DMD: variants seen among roughly 807,000 people sequenced by gnomAD.
DMD encodes dystrophin, also known as mutant dystrophin.
DMD carries 63 observed loss-of-function variants against 330.1 expected under a neutral mutation model. The observed-to-expected ratio is 0.19, with a 90% CI of 0.16 to 0.24. The LOEUF is 0.24. DMD is among the 10% of genes least tolerant of loss of function. The pLI, the probability that DMD is intolerant of heterozygous loss-of-function variation, is 1.00. For missense variants in DMD, 3,344 were observed against 2,684.1 expected (o/e 1.25, Z -5.43); for synonymous variants, 1,223 against 959.8 (o/e 1.27, Z -5.07).
At chrX:31,198,917 GTTTA>G (rs2043170417) in intron 67 of DMD, among the ~76,000 whole-genome samples, 1 of 111,992 alleles carries the variant, frequency 8.9e-6, no homozygotes, top group Non-Finnish European at 1.9e-5. Flanking sequence ...GGGGAGGGGT[GTTTA>G]TTTATCTATC....
intron 7 of DMD, among the ~76,000 whole-genome samples, chrX:32,781,444 C>T (rs12007133): frequency 4.5e-5 from 5 of 111,527 alleles, no homozygotes; most frequent in Non-Finnish European, 7.5e-5. Context: ...ACAAAATCAA[C>T]GAAACATTTG....
intron 1 of DMD, among the ~76,000 whole-genome samples, chrX:33,253,012 G>A (rs1257691894): frequency 9.0e-6 from 1 of 111,592 alleles, no homozygotes; most frequent in Non-Finnish European, 1.9e-5. Context: ...AGTTTGAAAT[G>A]AGGCCATGAC....
chrX:31,787,807 G>GT (rs2091382540), intron 50 of DMD, among the ~76,000 whole-genome samples: 1 of 112,030 alleles, frequency 8.9e-6, no homozygotes, highest in South Asian at 3.7e-4. Context: ...ATCAATTTAT[G>GT]TTTTTATTTA....
chrX:32,520,953 A>G (rs1368790682), intron 17 of DMD, among the ~76,000 whole-genome samples: 1 of 107,863 alleles, frequency 9.3e-6, no homozygotes, highest in Non-Finnish European at 1.9e-5. Context: ...CTCTCAGATG[A>G]TCTTGTTCCC....
chrX:32,692,004 A>C (rs1411821619), intron 9 of DMD, among the ~76,000 whole-genome samples: 4 of 111,203 alleles, frequency 3.6e-5, no homozygotes, highest in Non-Finnish European at 7.5e-5. Context: ...GAGGCTGTGG[A>C]GAGGAGGAAG....
chrX:31,831,847 C>T lies in DMD; in HGVS notation c.7200+4871G>A, dbSNP rs1197533192. 6.2e-5 allele frequency among the ~76,000 whole-genome samples: 7 copies of T among 112,289 alleles called. No individual in the cohort carries two copies. The Admixed American group carries it at 6.6e-4, about 11-fold the overall frequency. Reference sequence around the variant, plus strand: ...TCGATCTCCTGACTTTGTGATCCGCCCACCTTGGCCTCCCAAAGTGCTGGT... The same window carrying T: ...TCGATCTCCTGACTTTGTGATCCGCTCACCTTGGCCTCCCAAAGTGCTGGT... On this transcript the variant is annotated intron_variant, in intron 49 of 78. Coordinates refer to ENST00000357033, the MANE Select transcript of DMD (RefSeq NM_004006.3).
intron 54 of DMD, among the ~76,000 whole-genome samples, chrX:31,653,026 A>G (rs991842422): frequency 8.9e-6 from 1 of 111,817 alleles, no homozygotes; most frequent in Non-Finnish European, 1.9e-5. Flanking sequence ...AAAGTAGAAT[A>G]ATTACTAAAA....
chrX:32,033,653 GAAGA>G (rs1557081473), intron 44 of DMD, among the ~76,000 whole-genome samples: 8 of 59,084 alleles, frequency 1.4e-4, no homozygotes, highest in African/African-American at 2.8e-4. Flanking sequence ...AAGAAAGAAA[GAAGA>G]AAGAAAGAAA....
At chrX:32,568,302 G>A (rs1001770938) in intron 15 of DMD, among the ~76,000 whole-genome samples, 1 of 111,334 alleles carries the variant, frequency 9.0e-6, no homozygotes, top group East Asian at 2.8e-4. Flanking sequence ...GAGGTCAGGA[G>A]TTCCAGATCA....
chrX:32,851,146 GT>G (rs2081106012), intron 2 of DMD, among the ~76,000 whole-genome samples: 1 of 110,970 alleles, frequency 9.0e-6, no homozygotes, highest in Non-Finnish European at 1.9e-5. Flanking sequence ...AAAATCCCTG[GT>G]TTCCAGGCAA....
In DMD at chrX:32,606,528, A is replaced by G. The variant is rs1312070552; in HGVS notation, c.1482+7775T>C. On this transcript the variant is annotated intron_variant, in intron 12 of 78. Transcript: ENST00000357033. ...TTCTCAAAGAACTTAAAACACAACT[A>G]TTGGATCCTGCAATCCTAGTACTGG... Among the ~76,000 whole-genome samples, 8 of 109,560 alleles carry G rather than the reference A, an allele frequency of 7.3e-5. No individual in the cohort carries two copies. In the South Asian group the frequency reaches 2.7e-3, roughly 37 times the overall value.
At chrX:32,376,458 A>T (rs181267829) in intron 34 of DMD, among the ~76,000 whole-genome samples, 233 of 111,251 alleles carry the variant, frequency 2.1e-3, no homozygotes, top group Non-Finnish European at 3.6e-3. Flanking sequence ...GTAGGCCTAA[A>T]TGATAGTTGT....
intron 42 of DMD, among the ~76,000 whole-genome samples, chrX:32,291,585 G>A (rs1474118182): frequency 8.9e-6 from 1 of 111,800 alleles, no homozygotes; most frequent in African/African-American, 3.3e-5. Flanking sequence ...GGGTGAAGAA[G>A]AGGAAGAACT....
At chrX:32,154,079 G>T (rs746052820) in intron 44 of DMD, among the ~76,000 whole-genome samples, 13 of 112,013 alleles carry the variant, frequency 1.2e-4, no homozygotes, top group African/African-American at 3.6e-4. Context: ...AGAGAAAAAA[G>T]AGGTTATTAA....
intron 2 of DMD, among the ~76,000 whole-genome samples, chrX:32,932,476 T>C (rs2089672618): frequency 8.9e-6 from 1 of 111,805 alleles, no homozygotes; most frequent in Admixed American, 9.5e-5. Context: ...ATCTATGGGG[T>C]AAAAATGCAA....
intron 41 of DMD, among the ~76,000 whole-genome samples, chrX:32,335,397 T>C (rs1028708764): frequency 1.2e-4 from 13 of 104,816 alleles, no homozygotes; most frequent in Non-Finnish European, 2.5e-4. Flanking sequence ...ATAATACATA[T>C]ATATAACATA....
In DMD at chrX:32,276,266, C is replaced by A. The variant is rs758615069; in HGVS notation, c.6290+11263G>T. 5.3e-5 allele frequency among the ~76,000 whole-genome samples: 6 copies of A among 112,585 alleles called. No individual in the cohort carries two copies. The East Asian group carries it at 1.7e-3, about 32-fold the overall frequency. On this transcript the variant is annotated intron_variant, in intron 43 of 78. Coordinates refer to ENST00000357033, the MANE Select transcript of DMD (RefSeq NM_004006.3). The stretch of plus-strand genomic sequence containing the variant: ...CCTCACCATTGTGGGCCAAAGTGCT[C>A]TGGAGTCCCAGGTAAACCTGAGAGG...
intron 3 of DMD, among the ~76,000 whole-genome samples, 173 bp from the exon 4 acceptor site, chrX:32,845,033 C>A (rs1312101213): frequency 8.9e-6 from 1 of 111,928 alleles, no homozygotes; most frequent in Non-Finnish European, 1.9e-5. Flanking sequence ...TGGCCTGGTA[C>A]GTTTTTAGCA....
intron 43 of DMD, among the ~76,000 whole-genome samples, chrX:32,227,246 C>A (rs1419453726): frequency 1.3e-5 from 1 of 74,549 alleles, no homozygotes; most frequent in Non-Finnish European, 2.5e-5. Context: ...TGTGTCTATC[C>A]TAGCTTCTAA....
Sources: allele counts gnomAD v4.1 joint callset (sites outside exome capture counted in the v4.1 genomes callset), GRCh38; gene constraint gnomAD v4.1.1; transcripts MANE v1.5; gene names NCBI Gene and HGNC (gene_info 2026-07-23, HGNC 2026-07-21).